The following ZNF787 variants were observed in gnomAD, a reference collection of about 807,000 sequenced individuals.
The protein encoded by ZNF787 is TTF-I-interacting peptide 20.
In ZNF787, 7 loss-of-function variants were observed where a neutral mutation model predicts 16.9. The observed-to-expected ratio is 0.42, with a 90% CI of 0.24 to 0.78. ZNF787 has a LOEUF of 0.78. ZNF787 is among the 30% of genes least tolerant of loss of function. The probability of loss-of-function intolerance (pLI) is 0.30; values close to 1 mark genes in which losing one functional copy is unlikely to be tolerated. For missense variants in ZNF787, 551 were observed against 589.3 expected, an observed-to-expected ratio of 0.94 and a Z score of 0.67; for synonymous variants, 345 against 270.9, an observed-to-expected ratio of 1.27 and a Z score of -2.69.
At chr19:56,094,819 T>A (rs983667526) in intron 2 of ZNF787, among the ~76,000 whole-genome samples, 1 of 151,998 alleles carries the variant, frequency 6.6e-6, no homozygotes, top group Admixed American at 6.6e-5. Flanking sequence ...GGCATTAGAT[T>A]CTCATAAGGG....
At chr19:56,118,842 C>G (rs1292580002) in intron 1 of ZNF787, among the ~76,000 whole-genome samples, 1 of 152,016 alleles carries the variant, frequency 6.6e-6, no homozygotes, top group Non-Finnish European at 1.5e-5. Context: ...AAAAGACCTC[C>G]CAGGGCAGCC....
At chr19:56,090,209 A>G (rs1246494028) in intron 2 of ZNF787, among the ~76,000 whole-genome samples, 1 of 152,234 alleles carries the variant, frequency 6.6e-6, no homozygotes, top group Non-Finnish European at 1.5e-5. Flanking sequence ...ACACGCAAGG[A>G]AGGGCCATGA....
rs869290720 is a variant in ZNF787 at position 56,091,936 on chromosome 19, GAAGCCA to G, written c.80-2850_80-2845del. Among the ~76,000 whole-genome samples the G allele has an allele frequency of 2.2e-3, 305 of 137,438 alleles. 1 individual carries two copies. Among genetic ancestry groups the G allele is most frequent in the African/African-American group, 9.5e-3 (288 of 30,274 alleles). The allele number at this position is 137,438 out of a possible 152,430, so 90.2% of individuals were successfully genotyped here. On this transcript the variant is annotated intron_variant, in intron 2 of 2. Coordinates refer to ENST00000610935, the MANE Select transcript of ZNF787 (RefSeq NM_001002836.4). ...CGCAGCCGCAGCCGAAGCCGAAGCC[GAAGCCA>G]AAGCCAAAGCCGAAACCGAAACCGA...
intron 2 of ZNF787, among the ~76,000 whole-genome samples, chr19:56,092,028 G>A (rs113229002): frequency 7.0e-6 from 1 of 142,554 alleles, no homozygotes; most frequent in Non-Finnish European, 1.5e-5. Flanking sequence ...CGAAGCCGAA[G>A]CCGAAGCCGA....
chr19:56,109,274 G>C (rs932667257), intron 1 of ZNF787, among the ~76,000 whole-genome samples: 15 of 152,154 alleles, frequency 9.9e-5, no homozygotes. Flanking sequence ...TGAAGGCGAC[G>C]GCACAGAACA....
chr19:56,091,749 T>C (rs1398603149), intron 2 of ZNF787, among the ~76,000 whole-genome samples: 1 of 152,222 alleles, frequency 6.6e-6, no homozygotes, highest in East Asian at 1.9e-4. Flanking sequence ...AGGGCTCTTT[T>C]ACATCTTGCA....
At chr19:56,089,929 G>A (rs8103698) in intron 2 of ZNF787, among the ~76,000 whole-genome samples, 88,918 of 152,074 alleles carry the variant, frequency 0.58, 29,353 homozygotes, top group South Asian at 0.82. Flanking sequence ...TCCTGAGAAG[G>A]GTCCGTGTGC....
At chr19:56,093,967 T>C (rs1202098529) in intron 2 of ZNF787, among the ~76,000 whole-genome samples, 4 of 152,226 alleles carry the variant, frequency 2.6e-5, no homozygotes, top group Non-Finnish European at 2.9e-5. Context: ...TGCCTATCCA[T>C]ATGTTGGATT....
At chr19:56,104,950 G>A (rs1986245517) in intron 1 of ZNF787, among the ~76,000 whole-genome samples, 1 of 152,120 alleles carries the variant, frequency 6.6e-6, no homozygotes, top group South Asian at 2.1e-4. Context: ...CCAGCATGGC[G>A]AAACCCCATC....
chr19:56,096,880 T>TTA (rs1422707462), intron 2 of ZNF787, among the ~76,000 whole-genome samples: 1 of 152,124 alleles, frequency 6.6e-6, no homozygotes, highest in Non-Finnish European at 1.5e-5. Context: ...CGGAATGTCT[T>TTA]TATTTCGTTA....
At chr19:56,098,130 G>A (rs896965309) in intron 2 of ZNF787, among the ~76,000 whole-genome samples, 2 of 152,050 alleles carry the variant, frequency 1.3e-5, no homozygotes, top group African/African-American at 2.4e-5. Flanking sequence ...ATGTGCCAGG[G>A]GTTCCTGGCA....
chr19:56,095,547 T>G (rs540732586), intron 2 of ZNF787, among the ~76,000 whole-genome samples: 3 of 152,346 alleles, frequency 2.0e-5, no homozygotes, highest in African/African-American at 7.2e-5. Context: ...GTAAAAACGC[T>G]GCAACCAGCC....
At chr19:56,113,898 C>G (rs965643377) in intron 1 of ZNF787, among the ~76,000 whole-genome samples, 9 of 152,276 alleles carry the variant, frequency 5.9e-5, no homozygotes, top group African/African-American at 1.9e-4. Flanking sequence ...CGCACCATCT[C>G]GGCTCACTGC....
intron 2 of ZNF787, among the ~76,000 whole-genome samples, chr19:56,096,480 C>T (rs546807879): frequency 2.6e-5 from 4 of 151,702 alleles, no homozygotes; most frequent in East Asian, 3.9e-4. Flanking sequence ...TTTGGGAGGC[C>T]GAGGCGGGTG....
intron 1 of ZNF787, among the ~76,000 whole-genome samples, chr19:56,113,481 G>A (rs1009936609): frequency 6.6e-6 from 1 of 152,228 alleles, no homozygotes. Flanking sequence ...ATGTCCATAT[G>A]GATGAACTAA....
intron 1 of ZNF787, among the ~76,000 whole-genome samples, chr19:56,120,607 A>C (rs1275125042): frequency 1.7e-4 from 25 of 149,948 alleles, no homozygotes; most frequent in Admixed American, 1.7e-3. Context: ...CAGCAACGGG[A>C]CCCGGGCTGA....
Position 56,119,372 on chromosome 19 carries a change from T to A in ZNF787, c.-11+1800A>T, listed in dbSNP as rs186203164. Among the ~76,000 whole-genome samples the A allele has an allele frequency of 7.9e-5, 12 of 152,288 alleles. No homozygotes were observed. In the East Asian group the frequency reaches 2.3e-3, roughly 29 times the overall value. ...TGAACCTGGGAAAAGGGAAGTGACA[T>A]GTCCAAGGTCACAGAAGTGGAAGAG... On this transcript the variant is annotated intron_variant, in intron 1 of 2. Coordinates refer to ENST00000610935, the MANE Select transcript of ZNF787 (RefSeq NM_001002836.4).
At chr19:56,109,585 C>T (rs1430670881) in intron 1 of ZNF787, among the ~76,000 whole-genome samples, 5 of 152,164 alleles carry the variant, frequency 3.3e-5, no homozygotes, top group Non-Finnish European at 7.3e-5. Flanking sequence ...CTGAAGTCTC[C>T]CATGTACCTG....
chr19:56,114,839 C>T (rs1410782465), intron 1 of ZNF787, among the ~76,000 whole-genome samples: 5 of 152,046 alleles, frequency 3.3e-5, no homozygotes, highest in African/African-American at 7.3e-5. Context: ...CACTGCTGCC[C>T]GGCCCCGCCG....
Sources: gnomAD v4.1 joint callset for allele counts (sites outside exome capture counted in the v4.1 genomes callset) on GRCh38, gnomAD v4.1.1 for gene constraint, MANE v1.5 for transcripts, NCBI Gene and HGNC (gene_info 2026-07-23, HGNC 2026-07-21) for gene names.